UBE2D4: variants seen among roughly 807,000 people sequenced by gnomAD.
UBE2D4 encodes the protein ubiquitin-conjugating enzyme E2 D4.
A neutral mutation model predicts 23.0 loss-of-function variants in UBE2D4; 17 were observed. The observed-to-expected ratio is 0.74, with a 90% confidence interval of 0.51 to 1.11. The LOEUF is 1.11. UBE2D4 is among the 50% of genes least tolerant of loss of function. The pLI is 0.00. For missense variants in UBE2D4, 139 were observed against 181.8 expected, an observed-to-expected ratio of 0.76 and a Z score of 1.35; for synonymous variants, 61 against 69.4, an observed-to-expected ratio of 0.88 and a Z score of 0.60.
chr7:43,949,796 C>T (rs6463211), intron 5 of UBE2D4, among the ~76,000 whole-genome samples: 74,521 of 152,042 alleles, frequency 0.49, 18,184 homozygotes, highest in South Asian at 0.55. Context: ...ATCTTAGAGA[C>T]GGTGCTGGCA....
chr7:43,944,788 C>CAGA lies in UBE2D4; in HGVS notation c.198+1757_198+1758insAGA, dbSNP rs1265182055. ...ATGCTTCATGGTGCTGTGATCCACC[C>CAGA]CTTCTCCCTTCCCCTCTGGAGAGAC... On this transcript the variant is annotated intron_variant, in intron 4 of 6. Transcript: ENST00000222402. This position sits in a 1 kb window ranked among gnomAD's most constrained non-coding sequence, Gnocchi z 4.0. The CAGA allele has an allele frequency of 6.6e-6, 1 of 152,126 alleles. No individual in the cohort carries two copies. Among genetic ancestry groups the CAGA allele is most frequent in the African/African-American group, 2.4e-5 (1 of 41,410 alleles). The allele number at this position is 152,126 out of a possible 1,614,324, so 9.4% of individuals were successfully genotyped here. A position where few individuals can be genotyped will look rare whatever the true frequency, so the allele number is the denominator to read the frequency against.
At position 43,933,675 on chromosome 7, in the gene UBE2D4, CA is replaced by C. The variant is rs1380347574; in HGVS notation, c.25-4755del. ...ACCAGAATTGCTTGAACCCAGTAGG[CA>C]GAGGTTGCAGTGAGCCGAGATGGTG... On this transcript the variant is annotated intron_variant, in intron 1 of 6. Coordinates refer to ENST00000222402, the MANE Select transcript of UBE2D4 (RefSeq NM_015983.4). Among the ~76,000 whole-genome samples, 3 of 152,238 alleles carry C rather than the reference CA, an allele frequency of 2.0e-5. No homozygotes were observed. The East Asian group carries it at 5.8e-4, about 29-fold the overall frequency.
chr7:43,953,446 C>T lies in UBE2D4; in HGVS notation c.*751C>T, dbSNP rs1222897431. 4 of 335,778 alleles carry T rather than the reference C, an allele frequency of 1.2e-5. No individual in the cohort carries two copies. The highest frequency in any genetic ancestry group is 8.0e-5 in the East Asian group (1 of 12,536). 20.8% of individuals were successfully genotyped at this position (335,778 alleles called of 1,614,324 possible). ...TCCATTTGATGAAGATTCTCACTAC[C>T]GCCCGCTCCTCCCATAGGAGCCTAC... On this transcript the variant is annotated 3_prime_UTR_variant, in exon 7 of 7. Transcript: ENST00000222402.
intron 4 of UBE2D4, 61 bp from the exon 5 acceptor site, chr7:43,948,571 C>T: frequency 8.8e-7 from 1 of 1,130,226 alleles, no homozygotes; most frequent in Non-Finnish European, 1.3e-6. Context: ...TTCTGCTTTA[C>T]TTGGTTCATT....
intron 2 of UBE2D4, chr7:43,941,606 C>T (rs2095972774): frequency 6.6e-6 from 1 of 152,292 alleles, no homozygotes; most frequent in South Asian, 2.1e-4. Flanking sequence ...GCTCCAGGGC[C>T]ACGGGCAGTT....
At chr7:43,942,701 C>T in intron 2 of UBE2D4, 125 bp from the exon 3 acceptor site, 4 of 1,362,834 alleles carry the variant, frequency 2.9e-6, no homozygotes, top group Non-Finnish European at 4.2e-6. Flanking sequence ...CCCAGTCTTG[C>T]AGTTGGTGTC....
intron 1 of UBE2D4, among the ~76,000 whole-genome samples, chr7:43,934,346 C>T (rs1314884323): frequency 6.6e-6 from 1 of 151,956 alleles, no homozygotes; most frequent in Non-Finnish European, 1.5e-5. Flanking sequence ...TTGGAAGACA[C>T]AGAGGATGAT....
chr7:43,941,650 A>G (rs2095972864), intron 2 of UBE2D4: 2 of 152,290 alleles, frequency 1.3e-5, no homozygotes, highest in African/African-American at 4.8e-5. Flanking sequence ...AGAGGGCTTC[A>G]CAATGAATCA....
intron 1 of UBE2D4, 122 bp downstream of exon 1, chr7:43,926,678 G>A (rs1292940817): frequency 1.9e-6 from 2 of 1,060,330 alleles, no homozygotes; most frequent in African/African-American, 3.3e-5. Flanking sequence ...ACCTGCCTGG[G>A]AAGGAGGCAG....
chr7:43,951,529 T>C (rs998128241), intron 6 of UBE2D4, among the ~76,000 whole-genome samples: 1 of 150,896 alleles, frequency 6.6e-6, no homozygotes, highest in Non-Finnish European at 1.5e-5. Context: ...GAATAGAGTA[T>C]GTTTTTCCCT....
In UBE2D4 at chr7:43,948,728, G is replaced by C; in HGVS notation, c.295G>C (p.Val99Leu). The C allele has an allele frequency of 6.2e-7, 1 of 1,611,310 alleles. No individual in the cohort carries two copies. The highest frequency in any genetic ancestry group is 8.5e-7 in the Non-Finnish European group (1 of 1,177,740). Residue 99 changes from valine to leucine, a missense_variant, in exon 5 of 7, where the codon GTG becomes CTG. Transcript: ENST00000222402. Reference sequence around the variant, plus strand: ...GTCTCAGTGGTCTCCAGCGTTGACTGTGTCAAAAGGTAGAGATGCTGATGG... The same window carrying C: ...GTCTCAGTGGTCTCCAGCGTTGACTCTGTCAAAAGGTAGAGATGCTGATGG... Reference protein sequence around the residue: ...LRSQWSPALTVSKVLLSICSL... With the variant: ...LRSQWSPALTLSKVLLSICSL...
At position 43,953,305 on chromosome 7, in the gene UBE2D4, G is replaced by C. The variant is rs1194979137; in HGVS notation, c.*610G>C. Reference sequence around the variant, plus strand: ...GGTGGCATTTCTCGCCTCACACCAAGAAGCAGCAAGTGGAAAATTTCAGGA... The same window carrying C: ...GGTGGCATTTCTCGCCTCACACCAACAAGCAGCAAGTGGAAAATTTCAGGA... On this transcript the variant is annotated 3_prime_UTR_variant, in exon 7 of 7. Coordinates refer to ENST00000222402, the MANE Select transcript of UBE2D4 (RefSeq NM_015983.4). 4.8e-6 allele frequency: 2 copies of C among 418,786 alleles called. No homozygotes were observed. The highest frequency in any genetic ancestry group is 9.5e-6 in the Non-Finnish European group (2 of 211,572). 25.9% of individuals were successfully genotyped at this position (418,786 alleles called of 1,614,324 possible). A position where few individuals can be genotyped will look rare whatever the true frequency, so the allele number is the denominator to read the frequency against.
chr7:43,937,296 A>G (rs571258175), intron 1 of UBE2D4, among the ~76,000 whole-genome samples: 1 of 152,330 alleles, frequency 6.6e-6, no homozygotes, highest in South Asian at 2.1e-4. Flanking sequence ...ATTCTCCTGC[A>G]CAGTGATAGT....
At position 43,953,547 on chromosome 7, in the gene UBE2D4, C is replaced by G. The variant is rs975727761; in HGVS notation, c.*852C>G. On this transcript the variant is annotated 3_prime_UTR_variant, in exon 7 of 7. Coordinates refer to ENST00000222402, the MANE Select transcript of UBE2D4 (RefSeq NM_015983.4). ...AGACTCTTAAACGTAAATAAAAATG[C>G]AATTCACTCACAACTCTAAATGATA... is the stretch of plus-strand genomic sequence containing the variant. The G allele has an allele frequency of 4.9e-6, 1 of 205,582 alleles. No homozygotes were observed. Among genetic ancestry groups the G allele is most frequent in the African/African-American group, 2.3e-5 (1 of 43,144 alleles). 12.7% of individuals were successfully genotyped at this position (205,582 alleles called of 1,614,324 possible).
rs2096005526 is a variant in UBE2D4, at chr7:43,952,675, A to G, written c.424A>G (p.Thr142Ala). 1 of 1,613,816 alleles carries G rather than the reference A, an allele frequency of 6.2e-7. No homozygotes were observed. The highest frequency in any genetic ancestry group is 1.1e-5 in the South Asian group (1 of 91,076). Reference sequence around the variant, plus strand: ...GTACAACAGACTAGCAAGAGAGTGGACACAAAAATATGCTATGTAAGTGCC... The same window carrying G: ...GTACAACAGACTAGCAAGAGAGTGGGCACAAAAATATGCTATGTAAGTGCC... ...EKYNRLAREW[T>A]QKYAM Residue 142 changes from threonine to alanine, a missense_variant, in exon 7 of 7, where the codon ACA (threonine) becomes GCA (alanine). Thr to Ala is a moderately conservative substitution (Grantham distance 58). Coordinates refer to ENST00000222402, the MANE Select transcript of UBE2D4 (RefSeq NM_015983.4).
Position 43,952,867 on chromosome 7 carries a change from T to A in UBE2D4, c.*172T>A. On this transcript the variant is annotated 3_prime_UTR_variant, in exon 7 of 7. Transcript: ENST00000222402. ...GCATGTTGGTGCCATTTTCAGCAATTACGGCTTTGACAGTGCCACCTCTTT... is the reference window on the plus strand; with the variant it reads ...GCATGTTGGTGCCATTTTCAGCAATAACGGCTTTGACAGTGCCACCTCTTT... 1 of 597,112 alleles carries A rather than the reference T, an allele frequency of 1.7e-6. No individual in the cohort carries two copies. The highest frequency in any genetic ancestry group is 3.0e-5 in the East Asian group (1 of 33,178). The allele number at this position is 597,112 out of a possible 1,614,324, so 37.0% of individuals were successfully genotyped here. A position where few individuals can be genotyped will look rare whatever the true frequency, so the allele number is the denominator to read the frequency against.
intron 1 of UBE2D4, among the ~76,000 whole-genome samples, chr7:43,927,522 C>G (rs2095935126): frequency 6.6e-6 from 1 of 152,102 alleles, no homozygotes; most frequent in African/African-American, 2.4e-5. Flanking sequence ...CCAGGCTGGT[C>G]TCATACTCCT....
intron 5 of UBE2D4, 27 bp downstream of exon 5, chr7:43,948,764 G>A: frequency 6.5e-7 from 1 of 1,541,926 alleles, no homozygotes; most frequent in Non-Finnish European, 9.0e-7. Flanking sequence ...CATGCTCTGT[G>A]TGCTCTTTTA....
chr7:43,928,239 G>A (rs763951999), intron 1 of UBE2D4: 12 of 292,586 alleles, frequency 4.1e-5, no homozygotes, highest in South Asian at 1.3e-4. Context: ...CCGCCCCCAC[G>A]ACCCAGATAC....
Sources: allele counts gnomAD v4.1 joint callset (sites outside exome capture counted in the v4.1 genomes callset), GRCh38; gene constraint gnomAD v4.1.1; non-coding constraint Gnocchi (gnomAD v3.1); transcripts MANE v1.5; gene names NCBI Gene and HGNC (gene_info 2026-07-23, HGNC 2026-07-21).